PRKCA: variants seen among roughly 807,000 people sequenced by gnomAD.
The protein encoded by PRKCA is protein kinase C alpha.
A neutral mutation model predicts 87.0 loss-of-function variants in PRKCA; 27 were observed. The observed-to-expected ratio is 0.31, with a 90% CI of 0.23 to 0.43. PRKCA has a LOEUF of 0.43. PRKCA is among the 20% of genes least tolerant of loss of function. The pLI, the probability that PRKCA is intolerant of heterozygous loss-of-function variation, is 1.00. For missense variants in PRKCA, 518 were observed against 852.3 expected, an observed-to-expected ratio of 0.61 and a Z score of 4.88; for synonymous variants, 329 against 311.1, an observed-to-expected ratio of 1.06 and a Z score of -0.61.
intron 8 of PRKCA, among the ~76,000 whole-genome samples, chr17:66,701,903 G>T (rs1293076165): frequency 6.6e-6 from 1 of 152,100 alleles, no homozygotes; most frequent in African/African-American, 2.4e-5. Context: ...AGACAGTATG[G>T]ATGTCTCTTA....
intron 14 of PRKCA, among the ~76,000 whole-genome samples, chr17:66,780,834 G>A (rs904040934): frequency 6.6e-5 from 10 of 152,100 alleles, no homozygotes; most frequent in African/African-American, 1.9e-4. Flanking sequence ...CAGGCCAGGC[G>A]TGGTGACACA....
chr17:66,795,814 G>T (rs1450236649), intron 16 of PRKCA, among the ~76,000 whole-genome samples: 1 of 152,176 alleles, frequency 6.6e-6, no homozygotes, highest in Non-Finnish European at 1.5e-5. Flanking sequence ...AGACCAAATG[G>T]AGTACATGTT....
chr17:66,619,104 A>G (rs1039026173), intron 3 of PRKCA, among the ~76,000 whole-genome samples: 68 of 152,226 alleles, frequency 4.5e-4, no homozygotes, highest in Middle Eastern at 3.4e-3. Flanking sequence ...TTTTCTGGCA[A>G]TCCAAGTCAG....
chr17:66,388,728 GT>G (rs1455053705), intron 2 of PRKCA, among the ~76,000 whole-genome samples: 1 of 152,158 alleles, frequency 6.6e-6, no homozygotes, highest in Non-Finnish European at 1.5e-5. Flanking sequence ...GGCCCTGGAG[GT>G]TTGTCTGCAC....
At chr17:66,778,813 C>A (rs1182966183) in intron 14 of PRKCA, among the ~76,000 whole-genome samples, 1 of 150,642 alleles carries the variant, frequency 6.6e-6, no homozygotes, top group Non-Finnish European at 1.5e-5. Context: ...CCACTGCACT[C>A]CAGCCTGGGT....
chr17:66,781,893 T>TATATA (rs1568030811), intron 14 of PRKCA, among the ~76,000 whole-genome samples: 150 of 140,378 alleles, frequency 1.1e-3, no homozygotes, highest in African/African-American at 3.8e-3. Flanking sequence ...ATATAGTGTG[T>TATATA]GTGTGTGTGT....
At chr17:66,538,481 C>T (rs912239206) in intron 3 of PRKCA, among the ~76,000 whole-genome samples, 1 of 151,420 alleles carries the variant, frequency 6.6e-6, no homozygotes, top group African/African-American at 2.4e-5. Context: ...GTGATGTTTT[C>T]CCCATTGGGA....
At chr17:66,421,865 T>G (rs950537548) in intron 2 of PRKCA, among the ~76,000 whole-genome samples, 1 of 151,996 alleles carries the variant, frequency 6.6e-6, no homozygotes, top group Non-Finnish European at 1.5e-5. Flanking sequence ...TTTCTCTACT[T>G]TTTCCTTTTT....
At chr17:66,561,612 G>C (rs529183166) in intron 3 of PRKCA, among the ~76,000 whole-genome samples, 1 of 152,102 alleles carries the variant, frequency 6.6e-6, no homozygotes, top group African/African-American at 2.4e-5. Context: ...GCCCATGTTC[G>C]TAGCAGCAGC....
chr17:66,579,802 G>C (rs1441124693), intron 3 of PRKCA, among the ~76,000 whole-genome samples: 1 of 152,170 alleles, frequency 6.6e-6, no homozygotes, highest in Non-Finnish European at 1.5e-5. Flanking sequence ...GATCAGACTT[G>C]GTTGGGAGGA....
At chr17:66,659,796 C>A (rs1971841701) in intron 5 of PRKCA, among the ~76,000 whole-genome samples, 1 of 152,092 alleles carries the variant, frequency 6.6e-6, no homozygotes, top group South Asian at 2.1e-4. Context: ...GTCCGTGCAC[C>A]CCATGCAGCA....
chr17:66,783,868 C>A (rs889573044), intron 14 of PRKCA, among the ~76,000 whole-genome samples: 1 of 152,186 alleles, frequency 6.6e-6, no homozygotes, highest in South Asian at 2.1e-4. Context: ...ATCTTGCTGG[C>A]GCCTTTGTCA....
At chr17:66,363,609 G>T (rs991229283) in intron 2 of PRKCA, among the ~76,000 whole-genome samples, 20 of 152,194 alleles carry the variant, frequency 1.3e-4, no homozygotes, top group African/African-American at 4.1e-4. Flanking sequence ...ATTTAATTAC[G>T]CAGACAATTA....
At chr17:66,392,384 TAC>T (rs1598635319) in intron 2 of PRKCA, among the ~76,000 whole-genome samples, 2 of 152,240 alleles carry the variant, frequency 1.3e-5, no homozygotes, top group Admixed American at 1.3e-4. Context: ...GATACCGGTT[TAC>T]AGTGTTTGGG....
intron 3 of PRKCA, among the ~76,000 whole-genome samples, chr17:66,566,478 TG>T (rs372079645): frequency 0.23 from 27,216 of 119,292 alleles, 2,806 homozygotes; most frequent in South Asian, 0.34. Context: ...TGTTGTTTTT[TG>T]GTTTTTTTTT....
At chr17:66,321,232 C>G (rs1905637620) in intron 2 of PRKCA, among the ~76,000 whole-genome samples, 1 of 152,112 alleles carries the variant, frequency 6.6e-6, no homozygotes, top group African/African-American at 2.4e-5. Context: ...AAAAATTAGT[C>G]TGAAACAATG....
chr17:66,594,039 C>T (rs1409171446), intron 3 of PRKCA, among the ~76,000 whole-genome samples: 2 of 152,182 alleles, frequency 1.3e-5, no homozygotes, highest in Admixed American at 6.5e-5. Flanking sequence ...GAGCTGAGAT[C>T]GCACCATTGC....
At chr17:66,554,678 C>A in intron 3 of PRKCA, 1 of 335,380 alleles carries the variant, frequency 3.0e-6, no homozygotes, top group Non-Finnish European at 4.3e-6. Context: ...TTGGTTATGA[C>A]ATCCACTGCC....
chr17:66,664,799 C>T (rs1270417009), intron 5 of PRKCA, among the ~76,000 whole-genome samples: 2 of 151,604 alleles, frequency 1.3e-5, no homozygotes, highest in Admixed American at 6.6e-5. Flanking sequence ...GACTACCACA[C>T]CCAGATAATT....
Sources: gnomAD v4.1 joint callset for allele counts (sites outside exome capture counted in the v4.1 genomes callset) on GRCh38, gnomAD v4.1.1 for gene constraint, MANE v1.5 for transcripts, NCBI Gene and HGNC (gene_info 2026-07-23, HGNC 2026-07-21) for gene names.